Variants in SEM1 observed in about 807,000 individuals in gnomAD.
The protein encoded by SEM1 is 26S proteasome complex subunit SEM1.
SEM1 carries 3 observed loss-of-function variants against 12.7 expected under a neutral mutation model. The ratio of observed to expected loss-of-function variants is 0.24; its 90% CI spans 0.11 to 0.61. The LOEUF (loss-of-function observed/expected upper bound fraction) is 0.61. SEM1 is among the 20% of genes least tolerant of loss of function. The pLI, the probability that SEM1 is intolerant of heterozygous loss-of-function variation, is 0.88. For missense variants in SEM1, 59 were observed against 81.3 expected, an observed-to-expected ratio of 0.73 and a Z score of 1.06; for synonymous variants, 30 against 27.8, an observed-to-expected ratio of 1.08 and a Z score of -0.25.
chr7:96,484,071 C>T, intron 3 of SEM1: 1 of 1,273,306 alleles, frequency 7.9e-7, no homozygotes, highest in South Asian at 1.5e-5. Context: ...ATCTTCACAA[C>T]AACCCTATAG....
At position 96,484,855 on chromosome 7, in the gene SEM1, C is replaced by G; in HGVS notation, c.228-1G>C. ...CCACTTCTTTTTTCTTGAGGTGGAG[C>G]TGTAAATATTAGATTTCATGATTCA... On this transcript the variant is annotated splice_acceptor_variant, in intron 2 of 3. Transcript: ENST00000356686. LOFTEE classifies it high-confidence loss of function. 1 of 1,287,754 alleles carries G rather than the reference C, an allele frequency of 7.8e-7. No individual in the cohort carries two copies. The highest frequency in any genetic ancestry group is 1.0e-6 in the Non-Finnish European group (1 of 986,940). The allele number at this position is 1,287,754 out of a possible 1,614,324, so 79.8% of individuals were successfully genotyped here.
chr7:96,572,796 G>A (rs1232454941), intron 2 of SEM1, among the ~76,000 whole-genome samples: 4 of 152,114 alleles, frequency 2.6e-5, no homozygotes, highest in Non-Finnish European at 5.9e-5. Context: ...TGTCTATTAG[G>A]TCCGCTTGGT....
At chr7:96,500,052 C>A (rs761970565), upstream of SEM1, among the ~76,000 whole-genome samples, 4 of 152,070 alleles carry the variant, frequency 2.6e-5, no homozygotes, top group Non-Finnish European at 4.4e-5. Context: ...ATTTAATTTT[C>A]CCTGTTCTTC....
intron 2 of SEM1, among the ~76,000 whole-genome samples, chr7:96,635,944 A>G (rs1808412928): frequency 6.6e-6 from 1 of 152,248 alleles, no homozygotes; most frequent in African/African-American, 2.4e-5. Flanking sequence ...TACTTCAAAA[A>G]GATAAGAAAT....
intron 2 of SEM1, among the ~76,000 whole-genome samples, chr7:96,513,949 A>G (rs921496017): frequency 1.3e-5 from 2 of 152,122 alleles, no homozygotes; most frequent in African/African-American, 2.4e-5. Flanking sequence ...TAATAAATAT[A>G]TTGTGGACAT....
chr7:96,614,597 C>A (rs1019801360), intron 2 of SEM1, among the ~76,000 whole-genome samples: 3 of 152,164 alleles, frequency 2.0e-5, no homozygotes, highest in African/African-American at 4.8e-5. Context: ...GTTTATTCAG[C>A]CTTCGTTTCT....
At chr7:96,496,647 A>T (rs1171895390), upstream of SEM1, among the ~76,000 whole-genome samples, 1 of 152,184 alleles carries the variant, frequency 6.6e-6, no homozygotes. Flanking sequence ...CTCAAAGGGG[A>T]AACGTAAGAT....
chr7:96,619,310 GC>G (rs1487158484), downstream of SEM1, among the ~76,000 whole-genome samples: 1 of 152,104 alleles, frequency 6.6e-6, no homozygotes, highest in Non-Finnish European at 1.5e-5. Context: ...TTTGGTTTTG[GC>G]TTTGGGTGCC....
chr7:96,626,882 T>C (rs958374498), intron 2 of SEM1, among the ~76,000 whole-genome samples: 4 of 152,134 alleles, frequency 2.6e-5, no homozygotes, highest in African/African-American at 7.2e-5. Context: ...CTTTAAATGT[T>C]TGATAGAATT....
intron 2 of SEM1, among the ~76,000 whole-genome samples, chr7:96,609,056 A>G (rs1807467323): frequency 1.3e-5 from 2 of 152,196 alleles, no homozygotes; most frequent in Admixed American, 6.5e-5. Flanking sequence ...TGTCATTCCT[A>G]TAAGCAATAT....
intron 2 of SEM1, among the ~76,000 whole-genome samples, chr7:96,617,328 C>A (rs1286726206): frequency 6.6e-6 from 1 of 152,014 alleles, no homozygotes; most frequent in Non-Finnish European, 1.5e-5. Flanking sequence ...GACTCACCTT[C>A]TTGATTTGGT....
At chr7:96,600,943 G>T (rs1030008746) in intron 2 of SEM1, among the ~76,000 whole-genome samples, 3 of 152,154 alleles carry the variant, frequency 2.0e-5, no homozygotes, top group Non-Finnish European at 4.4e-5. Flanking sequence ...CACTAATTTG[G>T]TATACTATTT....
At chr7:96,700,099 T>C (rs2115959356) in intron 1 of SEM1, among the ~76,000 whole-genome samples, 1 of 152,318 alleles carries the variant, frequency 6.6e-6, no homozygotes, top group South Asian at 2.1e-4. Flanking sequence ...GTAAAGCACT[T>C]AGTACTGATA....
chr7:96,651,357 A>ATATGTGAGGAAGTTT (rs1808976382), intron 2 of SEM1, among the ~76,000 whole-genome samples: 1 of 152,158 alleles, frequency 6.6e-6, no homozygotes, highest in African/African-American at 2.4e-5. Flanking sequence ...TTAGGAGACA[A>ATATGTGAGGAAGTTT]TATGTGAGGA....
At chr7:96,550,552 G>A (rs1194256037) in intron 2 of SEM1, among the ~76,000 whole-genome samples, 1 of 152,146 alleles carries the variant, frequency 6.6e-6, no homozygotes, top group Non-Finnish European at 1.5e-5. Context: ...ATATTGCAAT[G>A]TACTGGTATG....
intron 2 of SEM1, among the ~76,000 whole-genome samples, chr7:96,661,988 C>CAAAAA (rs890732912): frequency 2.8e-5 from 1 of 36,042 alleles, no homozygotes; most frequent in Non-Finnish European, 6.4e-5. Context: ...AACTCCGTCT[C>CAAAAA]AAAAAAAAAA....
Position 96,486,465 on chromosome 7 carries a change from G to A in SEM1, c.13-48C>T, listed in dbSNP as rs781426271. On this transcript the variant is annotated intron_variant, in intron 1 of 3. Transcript: ENST00000356686. Reference sequence around the variant, plus strand: ...TATCCTAGACCTTTCAGGCTGGCAGGAGGTGAGGAGGCGGGCACCTGTTCC... The same window carrying A: ...TATCCTAGACCTTTCAGGCTGGCAGAAGGTGAGGAGGCGGGCACCTGTTCC... The A allele has an allele frequency of 8.9e-6, 13 of 1,460,136 alleles. No homozygotes were observed. The African/African-American group carries it at 1.8e-4, about 20-fold the overall frequency. The allele number at this position is 1,460,136 out of a possible 1,614,324, so 90.4% of individuals were successfully genotyped here.
chr7:96,501,176 T>C (rs1803524030), upstream of SEM1, among the ~76,000 whole-genome samples: 1 of 152,132 alleles, frequency 6.6e-6, no homozygotes, highest in African/African-American at 2.4e-5. Context: ...CTGTCCCCTC[T>C]AGTCCTGGTT....
At chr7:96,616,876 T>C (rs1157653227) in intron 2 of SEM1, among the ~76,000 whole-genome samples, 1 of 152,142 alleles carries the variant, frequency 6.6e-6, no homozygotes, top group Non-Finnish European at 1.5e-5. Flanking sequence ...TCTTTATTAC[T>C]GGTTCTCTAT....
Sources: allele counts gnomAD v4.1 joint callset (sites outside exome capture counted in the v4.1 genomes callset), GRCh38; gene constraint gnomAD v4.1.1; transcripts MANE v1.5; gene names NCBI Gene and HGNC (gene_info 2026-07-23, HGNC 2026-07-21).